WWOX: variants seen among roughly 807,000 people sequenced by gnomAD.
WWOX encodes WW domain containing oxidoreductase, also known as WW domain-containing oxidoreductase.
Under a neutral mutation model 46.2 loss-of-function variants are expected in WWOX, and 69 were observed. That is an observed-to-expected ratio of 1.49 (90% confidence interval 1.23 to 1.82). The LOEUF (loss-of-function observed/expected upper bound fraction) is 1.82, where lower values mean the gene tolerates loss of function less well. WWOX is among the 40% of genes most tolerant of loss of function. The pLI is 0.00. For synonymous variants in WWOX, 359 were observed against 202.6 expected (o/e 1.77, Z -6.56); for missense variants, 919 against 542.6 (o/e 1.69, Z -6.89).
intron 6 of WWOX, among the ~76,000 whole-genome samples, chr16:78,418,052 C>G (rs905565490): frequency 6.6e-6 from 1 of 152,150 alleles, no homozygotes; most frequent in African/African-American, 2.4e-5. Flanking sequence ...TGAGTGCTTT[C>G]CAGCAAGCGC....
chr16:78,211,132 T>G (rs2036547188), intron 5 of WWOX, among the ~76,000 whole-genome samples: 1 of 152,164 alleles, frequency 6.6e-6, no homozygotes, highest in African/African-American at 2.4e-5. Flanking sequence ...AGGAATTTAT[T>G]TTGGGTTCTG....
intron 1 of WWOX, among the ~76,000 whole-genome samples, chr16:78,106,411 GTTTTTTTTTGTTT>G (rs1192671902): frequency 8.1e-6 from 1 of 123,684 alleles, no homozygotes; most frequent in East Asian, 2.4e-4. Context: ...AGTCAGAACG[GTTTTTTTTTGTTT>G]TTTTTTTTTT....
At chr16:78,229,511 T>G (rs372184220) in intron 5 of WWOX, among the ~76,000 whole-genome samples, 22,692 of 111,790 alleles carry the variant, frequency 0.2, 2,168 homozygotes, top group Middle Eastern at 0.27. Flanking sequence ...TATATCTATA[T>G]AGAGATATAT....
At chr16:79,022,038 G>A (rs754772937) in intron 8 of WWOX, among the ~76,000 whole-genome samples, 1 of 152,208 alleles carries the variant, frequency 6.6e-6, no homozygotes, top group Non-Finnish European at 1.5e-5. Context: ...CACATGAATA[G>A]GAGAGGGTTA....
chr16:78,137,155 A>G (rs1007171702), intron 4 of WWOX, among the ~76,000 whole-genome samples: 5 of 152,188 alleles, frequency 3.3e-5, no homozygotes, highest in African/African-American at 1.2e-4. Context: ...ACACATCTGA[A>G]ATGGAGAAGA....
At chr16:78,998,014 T>A (rs2062903) in intron 8 of WWOX, among the ~76,000 whole-genome samples, 40,014 of 151,842 alleles carry the variant, frequency 0.26, 5,598 homozygotes, top group East Asian at 0.54. Context: ...GTAGCTGGGA[T>A]TACAGGCATG....
intron 8 of WWOX, among the ~76,000 whole-genome samples, chr16:78,647,707 C>T (rs985025805): frequency 5.9e-5 from 9 of 152,186 alleles, no homozygotes; most frequent in African/African-American, 1.4e-4. Context: ...TGCAGGGTGA[C>T]TCAGAAGCTC....
chr16:78,702,042 T>TATATATATATATATATAA (rs1229780052), intron 8 of WWOX, among the ~76,000 whole-genome samples: 22 of 120,918 alleles, frequency 1.8e-4, no homozygotes, highest in African/African-American at 8.3e-4. Flanking sequence ...TATATATATA[T>TATATATATATATATATAA]ATAAAATAAT....
chr16:78,277,764 T>TC (rs1422719878), intron 5 of WWOX, among the ~76,000 whole-genome samples: 2 of 151,826 alleles, frequency 1.3e-5, no homozygotes, highest in African/African-American at 4.8e-5. Context: ...TTTAACAGAT[T>TC]CCCCCCGGGT....
chr16:79,006,982 C>G (rs1463573634), intron 8 of WWOX, among the ~76,000 whole-genome samples: 1 of 152,118 alleles, frequency 6.6e-6, no homozygotes, highest in Non-Finnish European at 1.5e-5. Context: ...CTTCATTTCC[C>G]TTTGTCGCGT....
intron 8 of WWOX, chr16:79,206,598 G>C (rs146175398): frequency 7.3e-4 from 111 of 152,288 alleles, no homozygotes; most frequent in African/African-American, 2.6e-3. Context: ...AATAGTACTC[G>C]TTGGCTACAA....
chr16:78,151,113 G>C (rs76144510), intron 4 of WWOX, among the ~76,000 whole-genome samples: 1 of 150,970 alleles, frequency 6.6e-6, no homozygotes, highest in East Asian at 2.0e-4. Flanking sequence ...TTGGGTTTAA[G>C]TGATCCTCTT....
intron 8 of WWOX, among the ~76,000 whole-genome samples, chr16:79,083,230 T>C (rs889131594): frequency 6.6e-6 from 1 of 152,152 alleles, no homozygotes; most frequent in Non-Finnish European, 1.5e-5. Flanking sequence ...CAATAAGCAT[T>C]GCCATTGCCA....
chr16:79,161,002 G>C (rs1789934984), intron 8 of WWOX, among the ~76,000 whole-genome samples: 1 of 152,190 alleles, frequency 6.6e-6, no homozygotes, highest in Admixed American at 6.5e-5. Flanking sequence ...CAATAATGTT[G>C]CTGGGATTAT....
At chr16:78,651,633 C>A (rs992998373) in intron 8 of WWOX, among the ~76,000 whole-genome samples, 1 of 152,186 alleles carries the variant, frequency 6.6e-6, no homozygotes, top group African/African-American at 2.4e-5. Context: ...TCACACAGAC[C>A]CAGCTCATGT....
chr16:78,972,881 T>G (rs1181177819), intron 8 of WWOX, among the ~76,000 whole-genome samples: 1 of 152,216 alleles, frequency 6.6e-6, no homozygotes, highest in African/African-American at 2.4e-5. Context: ...CCCCGCCTTG[T>G]AAGGGCTGCC....
At chr16:78,657,705 C>G (rs1380912248) in intron 8 of WWOX, among the ~76,000 whole-genome samples, 1 of 152,150 alleles carries the variant, frequency 6.6e-6, no homozygotes, top group Non-Finnish European at 1.5e-5. Context: ...GGTCACATTG[C>G]CTTTTCTAGC....
At chr16:79,149,043 GTAGTGGC>G (rs113145716) in intron 8 of WWOX, among the ~76,000 whole-genome samples, 1,981 of 151,890 alleles carry the variant, frequency 0.013, 47 homozygotes, top group African/African-American at 0.045. Context: ...TTGCCTTATT[GTAGTGGC>G]TAGAACTTCC....
Position 78,512,830 on chromosome 16 carries a change from A to G in WWOX, c.1056+80078A>G, listed in dbSNP as rs568705914. On this transcript the variant is annotated intron_variant, in intron 8 of 8. Coordinates refer to ENST00000566780, the MANE Select transcript of WWOX (RefSeq NM_016373.4). The stretch of plus-strand genomic sequence containing the variant: ...TTGAATTTAAAAACAGAAACAGAGC[A>G]GTCCCTTTGCTTCCGAATGCAGCCC... Among the ~76,000 whole-genome samples the G allele has an allele frequency of 3.3e-5, 5 of 152,362 alleles. No homozygotes were observed. The South Asian group carries it at 1.0e-3, about 32-fold the overall frequency.
Sources: gnomAD v4.1 joint callset for allele counts (sites outside exome capture counted in the v4.1 genomes callset) on GRCh38, gnomAD v4.1.1 for gene constraint, MANE v1.5 for transcripts, NCBI Gene and HGNC (gene_info 2026-07-23, HGNC 2026-07-21) for gene names.